WAPL: variants seen among roughly 807,000 people sequenced by gnomAD.
WAPL encodes the protein WAPL cohesin release factor.
Under a neutral mutation model 121.0 loss-of-function variants are expected in WAPL, and 5 were observed. That is an observed-to-expected ratio of 0.04 (90% CI 0.02 to 0.09). WAPL has a LOEUF of 0.09. Among genes scored for constraint, WAPL ranks in the 10% least tolerant of loss-of-function variants. WAPL has a pLI of 1.00. For missense variants in WAPL, 999 were observed against 1,410.8 expected, an observed-to-expected ratio of 0.71 and a Z score of 4.68; for synonymous variants, 480 against 481.5, an observed-to-expected ratio of 1.00 and a Z score of 0.04.
At chr10:86,512,020 A>T (rs1842473546) in intron 2 of WAPL, among the ~76,000 whole-genome samples, 1 of 152,226 alleles carries the variant, frequency 6.6e-6, no homozygotes, top group Non-Finnish European at 1.5e-5. Flanking sequence ...TCTACACAAC[A>T]AATACATTCA....
chr10:86,476,475 G>A lies in WAPL; in HGVS notation c.1645-2502C>T, dbSNP rs189404937. 5.5e-3 allele frequency among the ~76,000 whole-genome samples: 833 copies of A among 152,222 alleles called. 21 individuals carry two copies. Among genetic ancestry groups the A allele is most frequent in the East Asian group, 6.2e-3 (32 of 5,180 alleles). On this transcript the variant is annotated intron_variant, in intron 4 of 18. Coordinates refer to ENST00000298767, the MANE Select transcript of WAPL (RefSeq NM_015045.5). Reference sequence around the variant, plus strand: ...AGGCCAAGGCAGGCGGATCGACTGAGGTCAGGAGTTTGAGACCAGCCTGGC... The same window carrying A: ...AGGCCAAGGCAGGCGGATCGACTGAAGTCAGGAGTTTGAGACCAGCCTGGC...
chr10:86,475,958 C>T (rs896806260), intron 4 of WAPL, among the ~76,000 whole-genome samples: 12 of 152,148 alleles, frequency 7.9e-5, no homozygotes, highest in African/African-American at 2.7e-4. Context: ...AGGCAGGAAG[C>T]AGATCACTTG....
chr10:86,441,573 GAA>G (rs34758995), intron 17 of WAPL, among the ~76,000 whole-genome samples: 4 of 135,610 alleles, frequency 2.9e-5, no homozygotes, highest in Non-Finnish European at 3.2e-5. Context: ...ATGCACCTAT[GAA>G]AAAAAAAAAA....
rs543385013 is a variant in WAPL, at chr10:86,440,714, G to A, written c.3411+2561C>T. On this transcript the variant is annotated intron_variant, in intron 17 of 18. Coordinates refer to ENST00000298767, the MANE Select transcript of WAPL (RefSeq NM_015045.5). ...AGAAAAAGGGATATAAAGATCTTGC[G>A]GGGCCTCCAGAGCCACGATGAGAAC... Among the ~76,000 whole-genome samples, 152 of 151,990 alleles carry A rather than the reference G, an allele frequency of 1.0e-3. 1 individual carries two copies. The highest frequency in any genetic ancestry group is 3.5e-3 in the African/African-American group (145 of 41,462).
chr10:86,518,603 G>A (rs902553283), intron 1 of WAPL, among the ~76,000 whole-genome samples: 12 of 152,306 alleles, frequency 7.9e-5, no homozygotes, highest in African/African-American at 2.6e-4. Flanking sequence ...AGCTACTTGA[G>A]AAGCTGGAGC....
chr10:86,468,873 G>C (rs1260040981), intron 8 of WAPL, among the ~76,000 whole-genome samples: 1 of 152,044 alleles, frequency 6.6e-6, no homozygotes, highest in Non-Finnish European at 1.5e-5. Flanking sequence ...GGCTGAGGCA[G>C]GTGGATCACC....
intron 11 of WAPL, 116 bp downstream of exon 11, chr10:86,460,283 C>A: frequency 1.3e-6 from 1 of 768,098 alleles, no homozygotes; most frequent in Non-Finnish European, 2.1e-6. Context: ...CTATTTCTAT[C>A]TGGATTAACA....
chr10:86,447,257 A>T (rs1177064736), intron 15 of WAPL, among the ~76,000 whole-genome samples: 2 of 152,246 alleles, frequency 1.3e-5, no homozygotes, highest in African/African-American at 4.8e-5. Context: ...TAAAGCACAT[A>T]TAAACAACAA....
chr10:86,483,878 C>T (rs193043568), intron 4 of WAPL, among the ~76,000 whole-genome samples: 10 of 148,362 alleles, frequency 6.7e-5, no homozygotes, highest in African/African-American at 9.9e-5. Context: ...CCCGCCACCA[C>T]GCCTGGCTAA....
At chr10:86,493,695 ATTT>A (rs11343574) in intron 4 of WAPL, among the ~76,000 whole-genome samples, 8 of 146,064 alleles carry the variant, frequency 5.5e-5, no homozygotes, top group Non-Finnish European at 7.5e-5. Flanking sequence ...GCCCAACTAC[ATTT>A]TTTTTTTTTT....
intron 2 of WAPL, among the ~76,000 whole-genome samples, chr10:86,504,592 G>A (rs961229823): frequency 6.7e-6 from 1 of 150,244 alleles, no homozygotes; most frequent in East Asian, 2.0e-4. Flanking sequence ...CAGAAGAATC[G>A]CTTGAACCTG....
intron 14 of WAPL, 77 bp downstream of exon 14, chr10:86,453,143 A>T: frequency 2.2e-6 from 3 of 1,341,322 alleles, no homozygotes; most frequent in Non-Finnish European, 1.0e-6. Flanking sequence ...GTTGGTTCTT[A>T]AACCCAAACT....
chr10:86,502,340 GA>G, intron 2 of WAPL, among the ~76,000 whole-genome samples: 1 of 152,296 alleles, frequency 6.6e-6, no homozygotes, highest in Non-Finnish European at 1.5e-5. Flanking sequence ...TAAGGAACAA[GA>G]AAAGACTTTC....
At chr10:86,471,187 T>C (rs902562279) in intron 7 of WAPL, 84 bp from the exon 8 acceptor site, 3 of 1,070,596 alleles carry the variant, frequency 2.8e-6, no homozygotes, top group Non-Finnish European at 2.8e-6. Flanking sequence ...AACCAGCAAA[T>C]AGGAAGGGGG....
rs1842577973 is a variant in WAPL at position 86,517,449 on chromosome 10, AT to A, written c.499+121del. The A allele has an allele frequency of 2.2e-6, 3 of 1,337,898 alleles. No individual in the cohort carries two copies. In the African/African-American group the frequency reaches 4.4e-5, roughly 20 times the overall value. 82.9% of individuals were successfully genotyped at this position (1,337,898 alleles called of 1,614,324 possible). A position where few individuals can be genotyped will look rare whatever the true frequency, so the allele number is the denominator to read the frequency against. ...TTAAATGTCTTTTACAAAACTATCA[AT>A]GGTCCCCATGTATCATAAGTGCAGA... On this transcript the variant is annotated intron_variant, in intron 2 of 18. Transcript: ENST00000298767.
At chr10:86,480,236 C>T (rs527373213) in intron 4 of WAPL, among the ~76,000 whole-genome samples, 1 of 152,302 alleles carries the variant, frequency 6.6e-6, no homozygotes, top group Non-Finnish European at 1.5e-5. Flanking sequence ...AAGACAGCTG[C>T]CATTTTTATG....
chr10:86,469,764 G>A (rs1440526429), intron 8 of WAPL, among the ~76,000 whole-genome samples: 3 of 152,126 alleles, frequency 2.0e-5, no homozygotes, highest in Non-Finnish European at 4.4e-5. Context: ...CTGATTAAAT[G>A]TTTATACAGC....
At chr10:86,476,995 G>T (rs1406382962) in intron 4 of WAPL, among the ~76,000 whole-genome samples, 4 of 152,166 alleles carry the variant, frequency 2.6e-5, no homozygotes, top group African/African-American at 9.7e-5. Context: ...AGCTTTTGAT[G>T]ATGTTTTACC....
intron 8 of WAPL, among the ~76,000 whole-genome samples, chr10:86,469,889 T>C (rs1841496828): frequency 6.6e-6 from 1 of 152,018 alleles, no homozygotes; most frequent in Non-Finnish European, 1.5e-5. Flanking sequence ...GCAAACGAAT[T>C]CTCTTTTTTG....
Sources: allele counts gnomAD v4.1 joint callset (sites outside exome capture counted in the v4.1 genomes callset), GRCh38; gene constraint gnomAD v4.1.1; transcripts MANE v1.5; gene names NCBI Gene and HGNC (gene_info 2026-07-23, HGNC 2026-07-21).